The following ZNF730 variants were observed in gnomAD, a reference collection of about 807,000 sequenced individuals.
ZNF730 encodes the protein zinc finger protein 730, also known as putative zinc finger protein 730.
ZNF730 carries 12 observed loss-of-function variants against 12.6 expected under a neutral mutation model. The observed-to-expected ratio is 0.95, with a 90% CI of 0.61 to 1.54. ZNF730 has a LOEUF of 1.54. ZNF730 is among the 40% of genes most tolerant of loss of function. ZNF730 has a pLI of 0.00. For synonymous variants in ZNF730, 194 were observed against 195.8 expected, an observed-to-expected ratio of 0.99 and a Z score of 0.08; for missense variants, 643 against 583.5, an observed-to-expected ratio of 1.10 and a Z score of -1.05.
chr19:23,124,886 T>G (rs374174129), intron 1 of ZNF730, among the ~76,000 whole-genome samples: 1 of 152,242 alleles, frequency 6.6e-6, no homozygotes, highest in African/African-American at 2.4e-5. Flanking sequence ...ACTAGTGATA[T>G]GGCTTGGCTA....
At chr19:23,080,705 A>G (rs371817235) in intron 1 of ZNF730, among the ~76,000 whole-genome samples, 1 of 151,694 alleles carries the variant, frequency 6.6e-6, no homozygotes, top group East Asian at 1.9e-4. Flanking sequence ...TGATCTCTTG[A>G]TGTTGTGTTC....
intron 1 of ZNF730, among the ~76,000 whole-genome samples, chr19:23,131,514 G>GTTGCTTTCT (rs1165112572): frequency 2.0e-5 from 3 of 152,188 alleles, no homozygotes; most frequent in Non-Finnish European, 2.9e-5. Context: ...AAAAAACATT[G>GTTGCTTTCT]TTGCTTTCTG....
At chr19:23,129,578 C>CCCG (rs1041845882) in intron 1 of ZNF730, among the ~76,000 whole-genome samples, 3 of 150,660 alleles carry the variant, frequency 2.0e-5, no homozygotes, top group African/African-American at 7.4e-5. Flanking sequence ...TGTATCCCCC[C>CCCG]CCCCATTATA....
At chr19:23,116,199 T>C (rs150508932), upstream of ZNF730, among the ~76,000 whole-genome samples, 1 of 151,506 alleles carries the variant, frequency 6.6e-6, no homozygotes, top group Non-Finnish European at 1.5e-5. Context: ...TCTGAAGACA[T>C]AGAGTTTTCT....
intron 1 of ZNF730, among the ~76,000 whole-genome samples, chr19:23,075,632 T>C (rs1833267058): frequency 6.6e-6 from 1 of 152,068 alleles, no homozygotes; most frequent in Admixed American, 6.6e-5. Flanking sequence ...CAGCCCCGAG[T>C]ATTTCCCAGA....
chr19:23,130,925 A>C (rs897300319), intron 1 of ZNF730, among the ~76,000 whole-genome samples: 5 of 152,212 alleles, frequency 3.3e-5, no homozygotes, highest in Non-Finnish European at 7.3e-5. Flanking sequence ...CTCATCTCAC[A>C]GAACTGATTA....
At chr19:23,120,140 G>A (rs944556646) in intron 1 of ZNF730, among the ~76,000 whole-genome samples, 5 of 151,724 alleles carry the variant, frequency 3.3e-5, no homozygotes, top group Non-Finnish European at 7.4e-5. Flanking sequence ...GACTACAGGC[G>A]GGTGCCACCA....
Position 23,135,945 on chromosome 19 carries a change from C to T in ZNF730, c.131-3C>T, listed in dbSNP as rs763925825. 28 of 1,607,464 alleles carry T rather than the reference C, an allele frequency of 1.7e-5. No individual in the cohort carries two copies. The highest frequency in any genetic ancestry group is 2.2e-5 in the Non-Finnish European group (26 of 1,176,658). ...AAGATTCATGTTATTTTTCATAAAA[C>T]AGGTATTGCTGTCTCAAAGCCAGAC... On this transcript the variant is annotated splice_polypyrimidine_tract_variant and splice_region_variant and intron_variant, in intron 2 of 3. Coordinates refer to ENST00000597761, the MANE Select transcript of ZNF730 (RefSeq NM_001277403.2).
intron 3 of ZNF730, among the ~76,000 whole-genome samples, chr19:23,142,971 G>A (rs1031826107): frequency 2.0e-5 from 3 of 152,076 alleles, no homozygotes; most frequent in South Asian, 2.1e-4. Context: ...GTAGCCAGGC[G>A]TGGTGGCTCA....
chr19:23,083,723 G>GT (rs1472149153), intron 1 of ZNF730, among the ~76,000 whole-genome samples: 3 of 151,288 alleles, frequency 2.0e-5, no homozygotes, highest in African/African-American at 7.3e-5. Context: ...CCATTCATAT[G>GT]TTTTTTTGAT....
At chr19:23,091,101 A>G (rs1389083650) in intron 1 of ZNF730, among the ~76,000 whole-genome samples, 1 of 151,620 alleles carries the variant, frequency 6.6e-6, no homozygotes, top group Non-Finnish European at 1.5e-5. Context: ...TGTCCCAGCT[A>G]CTCTAGCCAT....
rs528594864 is a variant in ZNF730 at position 23,134,375 on chromosome 19, G to A, written c.130+169G>A. Among the ~76,000 whole-genome samples the A allele has an allele frequency of 1.6e-3, 221 of 138,922 alleles. 1 individual carries two copies. Among genetic ancestry groups the A allele is most frequent in the African/African-American group, 5.6e-3 (209 of 37,650 alleles). The allele number at this position is 138,922 out of a possible 152,430, so 91.1% of individuals were successfully genotyped here. ...CTCTGCCCGGCCAGCCGCCCCGTCC[G>A]GGAGGGAGGTGGGGGGGTCAGCCCC... On this transcript the variant is annotated intron_variant, in intron 2 of 3. Transcript: ENST00000597761.
intron 1 of ZNF730, among the ~76,000 whole-genome samples, chr19:23,099,679 TG>T (rs1970306784): frequency 6.6e-6 from 1 of 152,180 alleles, no homozygotes; most frequent in Non-Finnish European, 1.5e-5. Flanking sequence ...ATTGAGATTG[TG>T]ACTTCTTGTA....
chr19:23,134,442 G>A (rs554932253), intron 2 of ZNF730, among the ~76,000 whole-genome samples: 2 of 144,202 alleles, frequency 1.4e-5, no homozygotes, highest in Non-Finnish European at 3.1e-5. Context: ...GGCGGAGGGG[G>A]GTCGGCCAGC....
intron 1 of ZNF730, among the ~76,000 whole-genome samples, chr19:23,080,377 T>G (rs184962820): frequency 1.4e-5 from 2 of 147,122 alleles, no homozygotes; most frequent in Non-Finnish European, 3.0e-5. Context: ...ATACTCTTAT[T>G]TTTTTTTTTT....
intron 1 of ZNF730, among the ~76,000 whole-genome samples, chr19:23,081,550 C>G (rs1037526879): frequency 4.4e-4 from 67 of 152,036 alleles, no homozygotes; most frequent in South Asian, 1.0e-3. Flanking sequence ...AAATTCCTGA[C>G]CCCAGGTGAT....
chr19:23,120,177 TAG>T (rs1970582365), intron 1 of ZNF730, among the ~76,000 whole-genome samples: 1 of 151,936 alleles, frequency 6.6e-6, no homozygotes, highest in African/African-American at 2.4e-5. Flanking sequence ...GTATTTGTAG[TAG>T]AGACAGTATT....
chr19:23,085,837 T>TA, intron 1 of ZNF730, among the ~76,000 whole-genome samples: 1 of 35,694 alleles, frequency 2.8e-5, no homozygotes, highest in African/African-American at 1.4e-4. Context: ...TTTTTTTTTC[T>TA]TTTTTTTTTT....
At chr19:23,131,844 G>A (rs1169962389) in intron 1 of ZNF730, among the ~76,000 whole-genome samples, 1 of 152,194 alleles carries the variant, frequency 6.6e-6, no homozygotes, top group Non-Finnish European at 1.5e-5. Context: ...TAGTTAAATG[G>A]TTATAAGCCC....
Sources: allele counts gnomAD v4.1 joint callset (sites outside exome capture counted in the v4.1 genomes callset), GRCh38; gene constraint gnomAD v4.1.1; transcripts MANE v1.5; gene names NCBI Gene and HGNC (gene_info 2026-07-23, HGNC 2026-07-21).